Variants in SPTLC3 observed in about 807,000 individuals in gnomAD.
SPTLC3 encodes serine palmitoyltransferase long chain base subunit 3, also known as serine palmitoyltransferase 3.
SPTLC3 carries 36 observed loss-of-function variants against 59.3 expected under a neutral mutation model. The ratio of observed to expected loss-of-function variants is 0.61; its 90% confidence interval spans 0.47 to 0.80. SPTLC3 has a LOEUF of 0.80. Among genes scored for constraint, SPTLC3 ranks in the 30% least tolerant of loss-of-function variants. The pLI, the probability that SPTLC3 is intolerant of heterozygous loss-of-function variation, is 0.00. For missense variants in SPTLC3, 625 were observed against 685.1 expected (o/e 0.91, Z 0.98); for synonymous variants, 257 against 240.8 (o/e 1.07, Z -0.62).
In SPTLC3 at chr20:13,124,716, G is replaced by A. The variant is rs534728332; in HGVS notation, c.1153-1875G>A. Among the ~76,000 whole-genome samples, 19 of 152,266 alleles carry A rather than the reference G, an allele frequency of 1.2e-4. No individual in the cohort carries two copies. In the East Asian group the frequency reaches 2.3e-3, roughly 19 times the overall value. On this transcript the variant is annotated intron_variant, in intron 8 of 11. Coordinates refer to ENST00000399002, the MANE Select transcript of SPTLC3 (RefSeq NM_018327.4). ...ACCACTGTAAGGCAGGCCACACACTGTGCTGAGGAAGAGAAACTGTGAATG... is the reference window on the plus strand; with the variant it reads ...ACCACTGTAAGGCAGGCCACACACTATGCTGAGGAAGAGAAACTGTGAATG...
At chr20:13,138,820 G>A (rs1269701837) in intron 9 of SPTLC3, among the ~76,000 whole-genome samples, 1 of 152,196 alleles carries the variant, frequency 6.6e-6, no homozygotes, top group Non-Finnish European at 1.5e-5. Context: ...ATATGGAGGT[G>A]AGCTGAGCAT....
At chr20:13,087,168 A>G (rs1337909928) in intron 4 of SPTLC3, among the ~76,000 whole-genome samples, 1 of 152,230 alleles carries the variant, frequency 6.6e-6, no homozygotes, top group East Asian at 1.9e-4. Context: ...GGTCTTAGAC[A>G]TACCCACTTC....
chr20:13,085,570 C>T (rs735215), intron 4 of SPTLC3, among the ~76,000 whole-genome samples: 9 of 152,044 alleles, frequency 5.9e-5, no homozygotes, highest in Non-Finnish European at 8.8e-5. Flanking sequence ...AAAGTGGCTA[C>T]GGTTACAATT....
At chr20:13,060,557 T>C (rs967084497) in intron 2 of SPTLC3, among the ~76,000 whole-genome samples, 9 of 152,148 alleles carry the variant, frequency 5.9e-5, no homozygotes, top group Non-Finnish European at 1.2e-4. Context: ...ACCTGAATAA[T>C]GTGCATTGTA....
At chr20:13,042,998 T>G (rs1987059925) in intron 1 of SPTLC3, among the ~76,000 whole-genome samples, 1 of 152,216 alleles carries the variant, frequency 6.6e-6, no homozygotes, top group Admixed American at 6.5e-5. Flanking sequence ...GGCTCCTATG[T>G]TTGAACACCA....
At position 13,167,112 on chromosome 20, in the gene SPTLC3, G is replaced by A. The variant is rs1054507840; in HGVS notation, c.*2245G>A. On this transcript the variant is annotated 3_prime_UTR_variant, in exon 12 of 12. Coordinates refer to ENST00000399002, the MANE Select transcript of SPTLC3 (RefSeq NM_018327.4). ...ATGCTTCCACAGTGCATTAGAAGGT[G>A]CCCAAGCTCCACAGGGCCAATAATA... 3 of 152,152 alleles carry A rather than the reference G, an allele frequency of 2.0e-5. No individual in the cohort carries two copies. Among genetic ancestry groups the A allele is most frequent in the African/African-American group, 7.2e-5 (3 of 41,430 alleles). The allele number at this position is 152,152 out of a possible 1,614,324, so 9.4% of individuals were successfully genotyped here.
At chr20:13,135,046 A>G (rs1568620897) in intron 9 of SPTLC3, among the ~76,000 whole-genome samples, 1 of 152,222 alleles carries the variant, frequency 6.6e-6, no homozygotes, top group Non-Finnish European at 1.5e-5. Context: ...AAGTATGTAA[A>G]GTCATTAAGA....
intron 4 of SPTLC3, among the ~76,000 whole-genome samples, chr20:13,089,328 C>T (rs972843352): frequency 1.3e-5 from 2 of 152,136 alleles, no homozygotes; most frequent in Non-Finnish European, 2.9e-5. Context: ...TTATATCATT[C>T]AGAAAGCACT....
intron 9 of SPTLC3, among the ~76,000 whole-genome samples, chr20:13,151,895 G>A (rs751893338): frequency 1.3e-5 from 2 of 151,970 alleles, no homozygotes; most frequent in African/African-American, 4.8e-5. Context: ...CCAACCTAGC[G>A]ATATCCTATG....
At chr20:13,139,344 G>T (rs929142112) in intron 9 of SPTLC3, among the ~76,000 whole-genome samples, 1 of 152,144 alleles carries the variant, frequency 6.6e-6, no homozygotes, top group Non-Finnish European at 1.5e-5. Flanking sequence ...TATGTTACTT[G>T]TTGTAACAGA....
intron 9 of SPTLC3, among the ~76,000 whole-genome samples, chr20:13,138,268 A>G (rs1041389297): frequency 2.0e-5 from 3 of 152,324 alleles, no homozygotes; most frequent in African/African-American, 7.2e-5. Flanking sequence ...CCCATTCAGC[A>G]TCAGCTTTGG....
chr20:13,047,129 T>C (rs1036883217), intron 1 of SPTLC3, among the ~76,000 whole-genome samples: 1 of 152,238 alleles, frequency 6.6e-6, no homozygotes, highest in African/African-American at 2.4e-5. Flanking sequence ...TTAAAATTTC[T>C]TTAAGAATAA....
rs745509852 is a variant in SPTLC3, at chr20:13,160,027, G to GA, written c.1447dup (p.Ile483AsnfsTer39). On this transcript the variant is annotated frameshift_variant, in exon 11 of 12. Coordinates refer to ENST00000399002, the MANE Select transcript of SPTLC3 (RefSeq NM_018327.4). LOFTEE classifies it high-confidence loss of function. ...GGGCTTTTGCAAGGCATATGCTAGA[G>GA]AAAAAAATTGGAGTGGTGGTCGTGG... 7 of 1,612,634 alleles carry GA rather than the reference G, an allele frequency of 4.3e-6. No individual in the cohort carries two copies.
chr20:13,104,791 T>C (rs1409733113), intron 6 of SPTLC3, among the ~76,000 whole-genome samples: 1 of 152,196 alleles, frequency 6.6e-6, no homozygotes, highest in Non-Finnish European at 1.5e-5. Flanking sequence ...AATTATACTT[T>C]TATTTTAATT....
At chr20:13,126,953 A>G (rs2038007943) in intron 9 of SPTLC3, among the ~76,000 whole-genome samples, 1 of 152,254 alleles carries the variant, frequency 6.6e-6, no homozygotes, top group Admixed American at 6.5e-5. Context: ...ATTTTGTGTG[A>G]TCAATTCTGT....
chr20:13,017,486 T>G (rs1397275176), intron 1 of SPTLC3, among the ~76,000 whole-genome samples: 1 of 152,212 alleles, frequency 6.6e-6, no homozygotes, highest in Non-Finnish European at 1.5e-5. Flanking sequence ...TTTCTGGCAA[T>G]ACTGATATCT....
At chr20:13,056,907 A>C (rs1336578953) in intron 2 of SPTLC3, among the ~76,000 whole-genome samples, 1 of 151,758 alleles carries the variant, frequency 6.6e-6, no homozygotes, top group African/African-American at 2.4e-5. Context: ...ATGCCTGGCT[A>C]ATTTTTGTAT....
intron 9 of SPTLC3, among the ~76,000 whole-genome samples, chr20:13,127,050 C>T (rs2038010748): frequency 6.6e-6 from 1 of 152,208 alleles, no homozygotes; most frequent in Non-Finnish European, 1.5e-5. Flanking sequence ...GGGGCTGTCA[C>T]TTGTGTTTCC....
chr20:13,066,863 A>C (rs1360136527), intron 2 of SPTLC3, among the ~76,000 whole-genome samples: 1 of 151,388 alleles, frequency 6.6e-6, no homozygotes, highest in Non-Finnish European at 1.5e-5. Flanking sequence ...TGCCCTATAT[A>C]TATCTCTTGA....
Sources: allele counts gnomAD v4.1 joint callset (sites outside exome capture counted in the v4.1 genomes callset), GRCh38; gene constraint gnomAD v4.1.1; transcripts MANE v1.5; gene names NCBI Gene and HGNC (gene_info 2026-07-23, HGNC 2026-07-21).